The following TPRG1 variants were observed in gnomAD, a reference collection of about 807,000 sequenced individuals.
The protein encoded by TPRG1 is tumor protein p63 regulated 1.
TPRG1 carries 29 observed loss-of-function variants against 29.3 expected under a neutral mutation model. The ratio of observed to expected loss-of-function variants is 0.99; its 90% CI spans 0.74 to 1.35. The LOEUF (loss-of-function observed/expected upper bound fraction) is 1.35. Ranked by LOEUF, TPRG1 falls within the 40% of genes most tolerant of loss-of-function variation. The pLI is 0.00. For synonymous variants in TPRG1, 130 were observed against 116.8 expected, an observed-to-expected ratio of 1.11 and a Z score of -0.73; for missense variants, 327 against 335.0, an observed-to-expected ratio of 0.98 and a Z score of 0.19.
At chr3:189,009,001 G>A (rs1712455361) in intron 3 of TPRG1, among the ~76,000 whole-genome samples, 1 of 152,152 alleles carries the variant, frequency 6.6e-6, no homozygotes, top group African/African-American at 2.4e-5. Context: ...GATTGAGAAG[G>A]GTGTGCGAGT....
intron 3 of TPRG1, among the ~76,000 whole-genome samples, chr3:189,223,212 G>A (rs1416917050): frequency 6.6e-6 from 1 of 152,166 alleles, no homozygotes; most frequent in Non-Finnish European, 1.5e-5. Context: ...TCCACTGTAT[G>A]AAGCCCTTGG....
intron 4 of TPRG1, among the ~76,000 whole-genome samples, chr3:189,252,554 A>G (rs1742453969): frequency 6.6e-6 from 1 of 152,204 alleles, no homozygotes; most frequent in Non-Finnish European, 1.5e-5. Context: ...AACCTCCCAG[A>G]AAAGTAGAGG....
At chr3:189,129,335 G>A (rs1722849167) in intron 2 of TPRG1, among the ~76,000 whole-genome samples, 1 of 152,084 alleles carries the variant, frequency 6.6e-6, no homozygotes. Flanking sequence ...CTATACTGAA[G>A]GTATTGCAAA....
At chr3:189,148,138 G>C (rs993421937) in intron 4 of TPRG1, among the ~76,000 whole-genome samples, 1 of 152,230 alleles carries the variant, frequency 6.6e-6, no homozygotes, top group Non-Finnish European at 1.5e-5. Flanking sequence ...TGAAAGGCAA[G>C]TTGCTATAAA....
chr3:189,007,375 A>G (rs1352638336), intron 3 of TPRG1, among the ~76,000 whole-genome samples: 1 of 152,092 alleles, frequency 6.6e-6, no homozygotes, highest in Non-Finnish European at 1.5e-5. Context: ...TAGAGTGGCA[A>G]TCATTAAAAA....
chr3:189,000,033 T>A (rs981356896), intron 1 of TPRG1, among the ~76,000 whole-genome samples: 2 of 152,122 alleles, frequency 1.3e-5, no homozygotes, highest in Non-Finnish European at 2.9e-5. Flanking sequence ...ATTTGGATAC[T>A]ATAATAAAAA....
rs117827649 is a variant in TPRG1 at position 189,212,989 on chromosome 3, G to A, written c.211-2303G>A. 1.2e-4 allele frequency among the ~76,000 whole-genome samples: 18 copies of A among 152,240 alleles called. No homozygotes were observed. In the East Asian group the frequency reaches 3.3e-3, roughly 28 times the overall value. ...TGTAAAAGACAATATTGCCTGTTAC[G>A]CTGTGTCAGATGATGTGTACATATT... On this transcript the variant is annotated intron_variant, in intron 2 of 5. Transcript: ENST00000345063.
intron 1 of TPRG1, among the ~76,000 whole-genome samples, chr3:189,195,592 G>T (rs1197961084): frequency 6.6e-6 from 1 of 152,182 alleles, no homozygotes; most frequent in African/African-American, 2.4e-5. Context: ...GGGCCACAGG[G>T]GGCAGGGCAC....
At chr3:189,051,002 C>G (rs926348622) in intron 4 of TPRG1, among the ~76,000 whole-genome samples, 4 of 152,162 alleles carry the variant, frequency 2.6e-5, no homozygotes, top group African/African-American at 9.7e-5. Flanking sequence ...AAGTTGAAAG[C>G]ATTCCCTCTG....
chr3:189,126,283 T>C (rs573413352), intron 1 of TPRG1, among the ~76,000 whole-genome samples: 1 of 152,166 alleles, frequency 6.6e-6, no homozygotes, highest in African/African-American at 2.4e-5. Flanking sequence ...TGGCATGACC[T>C]TCTTCTAGTA....
At chr3:189,012,660 C>G (rs1712666293) in intron 3 of TPRG1, among the ~76,000 whole-genome samples, 1 of 152,136 alleles carries the variant, frequency 6.6e-6, no homozygotes, top group South Asian at 2.1e-4. Context: ...TTATTACTGA[C>G]TCAATTTCAG....
intron 3 of TPRG1, among the ~76,000 whole-genome samples, chr3:189,009,179 C>A (rs1192892090): frequency 6.6e-6 from 1 of 152,014 alleles, no homozygotes; most frequent in Admixed American, 6.6e-5. Flanking sequence ...GTTTCGTGGC[C>A]CACCGGCTGG....
intron 2 of TPRG1, among the ~76,000 whole-genome samples, chr3:189,132,104 A>AAATTCC (rs1220241654): frequency 1.3e-5 from 2 of 152,202 alleles, no homozygotes; most frequent in Non-Finnish European, 2.9e-5. Flanking sequence ...GGAAAAGGAC[A>AAATTCC]AATTCCAAAG....
At chr3:189,037,404 A>G (rs1448016065) in intron 4 of TPRG1, among the ~76,000 whole-genome samples, 1 of 151,928 alleles carries the variant, frequency 6.6e-6, no homozygotes, top group Non-Finnish European at 1.5e-5. Context: ...TTAGCTCAAT[A>G]TAAGTAGAAA....
chr3:189,104,558 T>C (rs1719588069), intron 1 of TPRG1, among the ~76,000 whole-genome samples: 1 of 151,996 alleles, frequency 6.6e-6, no homozygotes, highest in African/African-American at 2.4e-5. Context: ...TAAGGGAAAC[T>C]GTAGGGTGTC....
At chr3:189,257,039 C>A (rs1712028946) in intron 4 of TPRG1, among the ~76,000 whole-genome samples, 1 of 152,088 alleles carries the variant, frequency 6.6e-6, no homozygotes, top group African/African-American at 2.4e-5. Flanking sequence ...GAATTTGATC[C>A]TGTCATTATA....
intron 1 of TPRG1, among the ~76,000 whole-genome samples, chr3:189,200,878 G>A (rs1385791960): frequency 2.6e-5 from 4 of 152,114 alleles, no homozygotes; most frequent in African/African-American, 9.7e-5. Flanking sequence ...TCCCCTAAAT[G>A]CAATATTAAG....
chr3:189,086,747 G>A (rs1052206346), intron 4 of TPRG1, among the ~76,000 whole-genome samples: 1 of 151,956 alleles, frequency 6.6e-6, no homozygotes, highest in Non-Finnish European at 1.5e-5. Context: ...CAGGCTGGTC[G>A]AACTCCTGGA....
At chr3:189,057,463 C>T (rs188693374) in intron 4 of TPRG1, among the ~76,000 whole-genome samples, 10 of 149,268 alleles carry the variant, frequency 6.7e-5, no homozygotes, top group Non-Finnish European at 1.3e-4. Flanking sequence ...TAAGGAGACA[C>T]GTGCAAGAGG....
Sources: allele counts gnomAD v4.1 joint callset (sites outside exome capture counted in the v4.1 genomes callset), GRCh38; gene constraint gnomAD v4.1.1; transcripts MANE v1.5; gene names NCBI Gene and HGNC (gene_info 2026-07-23, HGNC 2026-07-21).